Variants in TDRD12 observed in about 807,000 individuals in gnomAD.
The protein encoded by TDRD12 is tudor domain containing 12.
Under a neutral mutation model 133.5 loss-of-function variants are expected in TDRD12, and 158 were observed. The observed-to-expected ratio is 1.18, with a 90% CI of 1.04 to 1.35. TDRD12 has a LOEUF of 1.35. Ranked by LOEUF, TDRD12 falls within the 40% of genes most tolerant of loss-of-function variation. TDRD12 has a pLI of 0.00. For synonymous variants in TDRD12, 460 were observed against 477.9 expected (o/e 0.96, Z 0.49); for missense variants, 1,443 against 1,321.3 (o/e 1.09, Z -1.43).
chr19:32,790,484 GAAAC>G (rs1285005150), intron 11 of TDRD12, 43 bp from the exon 12 acceptor site: 2 of 1,526,680 alleles, frequency 1.3e-6, no homozygotes, highest in Non-Finnish European at 1.8e-6. Context: ...CTCAACTGAG[GAAAC>G]AAACACCTTT....
exon 21 of TDRD12, chr19:32,803,118 A>G (rs2034192913): frequency 1.3e-6 from 2 of 1,520,420 alleles, no homozygotes; most frequent in Non-Finnish European, 1.7e-6. Flanking sequence ...CTTTGTCCAT[A>G]TCTGAAGGCT....
At chr19:32,826,201 C>T (rs750805080), downstream of TDRD12, 18 of 1,520,460 alleles carry the variant, frequency 1.2e-5, no homozygotes, top group African/African-American at 2.2e-4. Flanking sequence ...GTCCCTTACC[C>T]AGTTAATAAG....
chr19:32,789,371 TCA>T (rs1006643706), intron 11 of TDRD12, among the ~76,000 whole-genome samples: 5 of 152,208 alleles, frequency 3.3e-5, no homozygotes, highest in African/African-American at 9.7e-5. Context: ...TTTAGTGTAT[TCA>T]CAGAGTTTGC....
chr19:32,804,746 C>T (rs1240347977), intron 21 of TDRD12, among the ~76,000 whole-genome samples: 2 of 150,618 alleles, frequency 1.3e-5, no homozygotes, highest in Non-Finnish European at 3.0e-5. Flanking sequence ...TAATCAGTTA[C>T]ATAGGAGGCT....
At chr19:32,807,377 T>C (rs1209787903) in intron 21 of TDRD12, among the ~76,000 whole-genome samples, 172 bp from the exon 22 acceptor site, 2 of 151,976 alleles carry the variant, frequency 1.3e-5, no homozygotes, top group Non-Finnish European at 2.9e-5. Flanking sequence ...TTTTCACTTA[T>C]TTGTATATTA....
rs1177192193 is a variant in TDRD12 at position 32,818,128 on chromosome 19, TCATC to T, written c.3360_3363del (p.Ser1121ArgfsTer52). 7.1e-6 allele frequency: 5 copies of T among 702,378 alleles called. No homozygotes were observed. The highest frequency in any genetic ancestry group is 1.3e-5 in the Non-Finnish European group (5 of 384,904). 43.5% of individuals were successfully genotyped at this position (702,378 alleles called of 1,614,324 possible). ...GGACCAGTCCTGCTCAAGACCAGGA[TCATC>T]CATCCGAGGAGCAGGGGGGGCAGGG... On this transcript the variant is annotated frameshift_variant, in exon 27 of 28. Coordinates refer to ENST00000444215, the Ensembl canonical transcript of TDRD12. LOFTEE classifies it low-confidence loss of function (END_TRUNC).
At position 32,802,914 on chromosome 19, in the gene TDRD12, A is replaced by G. The variant is rs1006260906; in HGVS notation, c.2332-8A>G. On this transcript the variant is annotated splice_region_variant and splice_polypyrimidine_tract_variant and intron_variant, in intron 20 of 27. Transcript: ENST00000444215. ...GATCCACTTCCTTTATTCACCCCCA[A>G]TTTTCAGGGTTCTCCTGCAGAACAG... 5.2e-6 allele frequency: 8 copies of G among 1,532,264 alleles called. No individual in the cohort carries two copies. The highest frequency in any genetic ancestry group is 1.2e-5 in the South Asian group (1 of 83,664). The allele number at this position is 1,532,264 out of a possible 1,614,324, so 94.9% of individuals were successfully genotyped here.
intron 27 of TDRD12, among the ~76,000 whole-genome samples, chr19:32,819,173 T>A (rs1375138438): frequency 6.6e-6 from 1 of 151,920 alleles, no homozygotes; most frequent in East Asian, 1.9e-4. Flanking sequence ...AAAAATTAGC[T>A]GGGTTTGGTG....
At chr19:32,771,097 G>GC (rs1309174443) in intron 8 of TDRD12, among the ~76,000 whole-genome samples, 1 of 152,196 alleles carries the variant, frequency 6.6e-6, no homozygotes, top group Non-Finnish European at 1.5e-5. Context: ...TCCAATCATG[G>GC]CAGAAGGGGA....
intron 10 of TDRD12, among the ~76,000 whole-genome samples, chr19:32,775,514 C>A (rs1970556444): frequency 6.6e-6 from 1 of 152,052 alleles, no homozygotes; most frequent in Admixed American, 6.6e-5. Flanking sequence ...AATTTTTTTG[C>A]AGAGATGGAA....
At chr19:32,732,458 G>T (rs1476928982) in intron 2 of TDRD12, among the ~76,000 whole-genome samples, 1 of 152,244 alleles carries the variant, frequency 6.6e-6, no homozygotes, top group Admixed American at 6.5e-5. Flanking sequence ...GGGGTTATTT[G>T]AGATCCCACA....
intron 2 of TDRD12, among the ~76,000 whole-genome samples, chr19:32,734,718 G>C (rs1347558864): frequency 1.3e-5 from 2 of 151,960 alleles, no homozygotes; most frequent in African/African-American, 4.8e-5. Flanking sequence ...TTGTGAATTC[G>C]CAGTAACTAT....
chr19:32,780,297 G>A (rs572195049), intron 11 of TDRD12, among the ~76,000 whole-genome samples: 2 of 152,014 alleles, frequency 1.3e-5, no homozygotes, highest in Non-Finnish European at 2.9e-5. Context: ...TGATGGCCAG[G>A]CTGGTCTCGA....
downstream of TDRD12, among the ~76,000 whole-genome samples, chr19:32,825,912 A>G (rs1407807217): frequency 6.6e-6 from 1 of 152,126 alleles, no homozygotes; most frequent in Non-Finnish European, 1.5e-5. The surrounding 1 kb of genome is among the most constrained non-coding windows in gnomAD (Gnocchi z 4.1). Context: ...TTGTTTACCT[A>G]TGTGATGGTT....
At chr19:32,795,954 A>G (rs1329041686) in intron 14 of TDRD12, among the ~76,000 whole-genome samples, 4 of 152,082 alleles carry the variant, frequency 2.6e-5, no homozygotes, top group Non-Finnish European at 4.4e-5. Context: ...CCATGAGCCA[A>G]TCACCCCCCA....
At chr19:32,821,924 G>A (rs1036317126), downstream of TDRD12, among the ~76,000 whole-genome samples, 16 of 152,142 alleles carry the variant, frequency 1.1e-4, no homozygotes, top group African/African-American at 3.9e-4. Context: ...CATTTCTGAC[G>A]TGTATGAACT....
chr19:32,773,562 G>C, intron 10 of TDRD12, 30 bp downstream of exon 10: 1 of 1,544,294 alleles, frequency 6.5e-7, no homozygotes, highest in Non-Finnish European at 8.8e-7. Context: ...ACTGGGTGTG[G>C]TGGCGCCTGC....
At chr19:32,801,768 A>G in exon 19 of TDRD12, 2 of 1,379,452 alleles carry the variant, frequency 1.4e-6, no homozygotes, top group Non-Finnish European at 9.8e-7. Context: ...AGTAGAAAGC[A>G]GTTCAATATT....
chr19:32,796,147 C>A, intron 14 of TDRD12: 1 of 985,350 alleles, frequency 1.0e-6, no homozygotes, highest in Non-Finnish European at 1.2e-6. Flanking sequence ...GGGTGTGGAA[C>A]CTGCATCTCG....
Sources: gnomAD v4.1 joint callset for allele counts (sites outside exome capture counted in the v4.1 genomes callset) on GRCh38, gnomAD v4.1.1 for gene constraint, Gnocchi (gnomAD v3.1) non-coding constraint, MANE v1.5 for transcripts, NCBI Gene and HGNC (gene_info 2026-07-23, HGNC 2026-07-21) for gene names.